USP40: variants seen among roughly 807,000 people sequenced by gnomAD.
USP40 encodes the protein ubiquitin carboxyl-terminal hydrolase 40.
Under a neutral mutation model 166.2 loss-of-function variants are expected in USP40, and 143 were observed. The observed-to-expected ratio is 0.86, with a 90% CI of 0.75 to 0.99. The LOEUF (loss-of-function observed/expected upper bound fraction) is 0.99. Ranked by LOEUF, USP40 falls within the 50% of genes least tolerant of loss-of-function variation. USP40 has a pLI of 0.00. For missense variants in USP40, 1,444 were observed against 1,479.7 expected, an observed-to-expected ratio of 0.98 and a Z score of 0.40; for synonymous variants, 498 against 524.0, an observed-to-expected ratio of 0.95 and a Z score of 0.68.
At chr2:233,549,558 T>G (rs79031219) in intron 7 of USP40, among the ~76,000 whole-genome samples, 2 of 152,060 alleles carry the variant, frequency 1.3e-5, no homozygotes, top group Admixed American at 1.3e-4. Flanking sequence ...GAGTCTGTTG[T>G]AGAAATTTTT....
At chr2:233,531,934 G>A (rs932186233) in intron 11 of USP40, among the ~76,000 whole-genome samples, 2 of 152,144 alleles carry the variant, frequency 1.3e-5, no homozygotes, top group Admixed American at 1.3e-4. Flanking sequence ...GGGAACCTAA[G>A]GCTGTTTCAC....
rs757700264 is a variant in USP40, at chr2:233,527,594, A to G, written c.1554-16T>C. ...ACATTCTGCCCTTTAAAGAGGCACA[A>G]AAATACATAAATACTGTGTTTTTAT... On this transcript the variant is annotated splice_polypyrimidine_tract_variant and intron_variant, in intron 12 of 31. Transcript: ENST00000678225. The G allele has an allele frequency of 6.3e-7, 1 of 1,584,466 alleles. No individual in the cohort carries two copies.
chr2:233,566,603 C>A, intron 1 of USP40, 81 bp downstream of exon 1: 1 of 833,934 alleles, frequency 1.2e-6, no homozygotes, highest in Non-Finnish European at 1.4e-6. Flanking sequence ...TCTCGCCTCG[C>A]CCTCCTCAGA....
chr2:233,491,741 G>A (rs1210380387), intron 25 of USP40, among the ~76,000 whole-genome samples: 1 of 152,080 alleles, frequency 6.6e-6, no homozygotes, highest in Non-Finnish European at 1.5e-5. Context: ...TACAATGGGT[G>A]CCACATAGTA....
chr2:233,480,963 G>A lies in USP40; in HGVS notation c.3599+240C>T, dbSNP rs925068169. 6.6e-6 allele frequency among the ~76,000 whole-genome samples: 1 copy of A among 152,154 alleles called. No individual in the cohort carries two copies. Among genetic ancestry groups the A allele is most frequent in the Admixed American group, 6.5e-5 (1 of 15,278 alleles). On this transcript the variant is annotated intron_variant, in intron 31 of 31. Coordinates refer to ENST00000678225, the MANE Select transcript of USP40 (RefSeq NM_001365479.2). The surrounding 1 kb of genome is among the most constrained non-coding windows in gnomAD (Gnocchi z 4.5). ...GGACCGGGGGGCCATGGATCTGCGG[G>A]CTCCTCATCGTGCCTCTGCAGTTCA...
intron 27 of USP40, 25 bp downstream of exon 27, chr2:233,489,340 G>C: frequency 6.5e-7 from 1 of 1,549,004 alleles, no homozygotes; most frequent in Non-Finnish European, 8.8e-7. Context: ...GAGAGGGACA[G>C]TGTTGCGTCC....
intron 24 of USP40, among the ~76,000 whole-genome samples, chr2:233,494,942 A>T (rs1447170704): frequency 3.5e-5 from 2 of 57,292 alleles, no homozygotes; most frequent in African/African-American, 1.2e-4. Flanking sequence ...ATATATATAT[A>T]TATATATATA....
At chr2:233,522,741 A>G (rs1044411576) in intron 16 of USP40, among the ~76,000 whole-genome samples, 2 of 152,184 alleles carry the variant, frequency 1.3e-5, no homozygotes, top group African/African-American at 4.8e-5. Context: ...GGAAACAATG[A>G]GTTGTCTTAT....
Position 233,550,779 on chromosome 2 carries a change from A to C in USP40, c.837+597T>G, listed in dbSNP as rs184703439. 4.5e-4 allele frequency among the ~76,000 whole-genome samples: 68 copies of C among 152,284 alleles called. 1 individual carries two copies. Among genetic ancestry groups the C allele is most frequent in the Non-Finnish European group, 6.9e-4 (47 of 68,024 alleles). ...TTGATTTTGTAATTAATTTGTTTTC[A>C]AAACCTTTTCTTTCCCTATGTCTTA... On this transcript the variant is annotated intron_variant, in intron 7 of 31. Transcript: ENST00000678225.
At position 233,494,492 on chromosome 2, in the gene USP40, T is replaced by C. The variant is rs1259446179; in HGVS notation, c.2791-941A>G. On this transcript the variant is annotated intron_variant, in intron 24 of 31. Coordinates refer to ENST00000678225, the MANE Select transcript of USP40 (RefSeq NM_001365479.2). ...ACATTCTGATATACTAGTGCATGCATAGAAAGCCACATATGCAAGAATATT... is the reference window on the plus strand; with the variant it reads ...ACATTCTGATATACTAGTGCATGCACAGAAAGCCACATATGCAAGAATATT... 6.6e-5 allele frequency among the ~76,000 whole-genome samples: 10 copies of C among 152,202 alleles called. No homozygotes were observed. The East Asian group carries it at 1.5e-3, about 24-fold the overall frequency.
At chr2:233,479,231 G>A (rs768846502) in intron 31 of USP40, among the ~76,000 whole-genome samples, 1 of 152,210 alleles carries the variant, frequency 6.6e-6, no homozygotes, top group Non-Finnish European at 1.5e-5. Flanking sequence ...CAGAGAGGAT[G>A]CTTGGAGAAG....
intron 28 of USP40, among the ~76,000 whole-genome samples, chr2:233,487,469 C>A (rs574739025): frequency 6.6e-6 from 1 of 152,318 alleles, no homozygotes; most frequent in South Asian, 2.1e-4. Context: ...GAAACTATTT[C>A]TGGTTGTACA....
intron 10 of USP40, among the ~76,000 whole-genome samples, chr2:233,539,294 CA>C (rs1300729139): frequency 9.9e-5 from 15 of 151,504 alleles, no homozygotes; most frequent in Admixed American, 3.9e-4. Flanking sequence ...ATGCTACATC[CA>C]ATAACTGCAG....
intron 30 of USP40, among the ~76,000 whole-genome samples, chr2:233,485,171 T>C (rs190081888): frequency 6.6e-6 from 1 of 152,362 alleles, no homozygotes; most frequent in East Asian, 1.9e-4. Flanking sequence ...TAATCTATTC[T>C]TCACGCTGCC....
Position 233,481,214 on chromosome 2 carries a change from C to T in USP40, c.3588G>A (p.Gly1196=). The T allele has an allele frequency of 6.2e-7, 1 of 1,604,884 alleles. No individual in the cohort carries two copies. Among genetic ancestry groups the T allele is most frequent in the Non-Finnish European group, 8.5e-7 (1 of 1,175,164 alleles). Reference sequence around the variant, plus strand: ...ACCCCAGCAATTACCTTTTCCTTCTCCCCAGGGCCCGTTGTTTCTGCTTTT... The same window carrying T: ...ACCCCAGCAATTACCTTTTCCTTCTTCCCAGGGCCCGTTGTTTCTGCTTTT... ...GKEKQKQRAL[G]RRKSQEALHE... is the part of the protein sequence containing the mutation. Residue 1196 remains glycine (G), a synonymous_variant, in exon 31 of 32, where the codon GGG becomes GGA. Transcript: ENST00000678225.
intron 8 of USP40, among the ~76,000 whole-genome samples, chr2:233,544,936 A>G (rs571859360): frequency 7.9e-4 from 120 of 152,284 alleles, no homozygotes; most frequent in South Asian, 2.9e-3. Context: ...AAAACCATCA[A>G]TTTGATGTTG....
At chr2:233,558,794 GTT>G (rs1468063417) in intron 4 of USP40, among the ~76,000 whole-genome samples, 1 of 151,732 alleles carries the variant, frequency 6.6e-6, no homozygotes, top group Non-Finnish European at 1.5e-5. Flanking sequence ...TGTTTTTTTT[GTT>G]TGTTTGTTTT....
In USP40 at chr2:233,480,938, G is replaced by C. The variant is rs2064537328; in HGVS notation, c.3599+265C>G. Among the ~76,000 whole-genome samples, 2 of 152,130 alleles carry C rather than the reference G, an allele frequency of 1.3e-5. No homozygotes were observed. Among genetic ancestry groups the C allele is most frequent in the East Asian group, 1.9e-4 (1 of 5,194 alleles). On this transcript the variant is annotated intron_variant, in intron 31 of 31. Coordinates refer to ENST00000678225, the MANE Select transcript of USP40 (RefSeq NM_001365479.2). This position sits in a 1 kb window ranked among gnomAD's most constrained non-coding sequence, Gnocchi z 4.5. ...GGCTGCGGGTGAGGAGGAAGGAGGG[G>C]GACCGGGGGGCCATGGATCTGCGGG...
At chr2:233,506,740 C>CAAAAAAAAAAA (rs1227656570) in intron 21 of USP40, among the ~76,000 whole-genome samples, 3 of 53,844 alleles carry the variant, frequency 5.6e-5, no homozygotes, top group African/African-American at 5.1e-5. Flanking sequence ...ACCGAAAATA[C>CAAAAAAAAAAA]AAAAAAAAAA....
Sources: gnomAD v4.1 joint callset for allele counts (sites outside exome capture counted in the v4.1 genomes callset) on GRCh38, gnomAD v4.1.1 for gene constraint, Gnocchi (gnomAD v3.1) non-coding constraint, MANE v1.5 for transcripts, NCBI Gene and HGNC (gene_info 2026-07-23, HGNC 2026-07-21) for gene names.